The following ERN1 variants were observed in gnomAD, a reference collection of about 807,000 sequenced individuals.
ERN1 encodes serine/threonine-protein kinase/endoribonuclease IRE1.
In ERN1, 39 loss-of-function variants were observed where a neutral mutation model predicts 113.1. The observed-to-expected ratio is 0.34, with a 90% confidence interval of 0.27 to 0.45. The LOEUF (loss-of-function observed/expected upper bound fraction) is 0.45. ERN1 is among the 20% of genes least tolerant of loss of function. The probability of loss-of-function intolerance (pLI) is 1.00; values close to 1 mark genes in which losing one functional copy is unlikely to be tolerated. For synonymous variants in ERN1, 507 were observed against 515.9 expected, an observed-to-expected ratio of 0.98 and a Z score of 0.23; for missense variants, 976 against 1,274.8, an observed-to-expected ratio of 0.77 and a Z score of 3.57.
At chr17:64,102,640 G>A (rs939163662) in intron 1 of ERN1, 6 of 982,602 alleles carry the variant, frequency 6.1e-6, no homozygotes, top group Non-Finnish European at 7.3e-6. Context: ...GATGCCTTGT[G>A]TGATACTGAG....
intron 1 of ERN1, among the ~76,000 whole-genome samples, chr17:64,117,361 T>C (rs1046367500): frequency 2.0e-5 from 3 of 151,410 alleles, no homozygotes; most frequent in African/African-American, 7.3e-5. Flanking sequence ...GAAAATCACT[T>C]GAACCCGGGA....
chr17:64,107,750 A>G (rs1914568822), intron 1 of ERN1, among the ~76,000 whole-genome samples: 1 of 152,208 alleles, frequency 6.6e-6, no homozygotes, highest in African/African-American at 2.4e-5. Context: ...CAAATATTTC[A>G]CTACTTTTAG....
chr17:64,073,298 A>G (rs1263687486), intron 5 of ERN1, among the ~76,000 whole-genome samples: 1 of 147,100 alleles, frequency 6.8e-6, no homozygotes, highest in Admixed American at 6.9e-5. Flanking sequence ...CCTCCTGAGT[A>G]GCTGGGACTA....
chr17:64,064,146 G>A lies in ERN1; in HGVS notation c.927C>T (p.Arg309=), dbSNP rs753180389. Residue 309 remains arginine (R), a synonymous_variant, in exon 10 of 22, where the codon CGC becomes CGT. Coordinates refer to ENST00000433197, the MANE Select transcript of ERN1 (RefSeq NM_001433.5). ...MVHEGVAVVP[R]GSTLPLLEGP... ...CTTCCAGCAAAGGAAGTGTGCTGCC[G>A]CGGGGCTGTGGAGAGGGTGCAGTGA... 3.7e-5 allele frequency: 59 copies of A among 1,594,328 alleles called. No homozygotes were observed. The highest frequency in any genetic ancestry group is 3.1e-4 in the South Asian group (27 of 88,462).
intron 1 of ERN1, among the ~76,000 whole-genome samples, chr17:64,119,024 T>A (rs535276136): frequency 6.6e-6 from 1 of 152,308 alleles, no homozygotes; most frequent in Non-Finnish European, 1.5e-5. Context: ...ATTTTTGTTA[T>A]GGAAGGTTCT....
In ERN1 at chr17:64,121,471, T is replaced by C. The variant is rs189249454; in HGVS notation, c.54+8505A>G. Among the ~76,000 whole-genome samples, 329 of 152,278 alleles carry C rather than the reference T, an allele frequency of 2.2e-3. 4 individuals are homozygous for C. The highest frequency in any genetic ancestry group is 7.6e-3 in the African/African-American group (316 of 41,552). On this transcript the variant is annotated intron_variant, in intron 1 of 21. Coordinates refer to ENST00000433197, the MANE Select transcript of ERN1 (RefSeq NM_001433.5). ...TCCAAGCAAAGAAATTAGCTTAAAC[T>C]GTGAATTAGGCTTAGCAGGCAATTT... is the stretch of plus-strand genomic sequence containing the variant.
intron 1 of ERN1, chr17:64,129,454 C>T: frequency 5.3e-6 from 1 of 189,812 alleles, no homozygotes; most frequent in Non-Finnish European, 1.1e-5. Context: ...GTCCTTACTC[C>T]CTGTTGCATT....
intron 2 of ERN1, among the ~76,000 whole-genome samples, chr17:64,088,343 CTAAGA>C (rs1913992179): frequency 6.6e-6 from 1 of 152,204 alleles, no homozygotes; most frequent in African/African-American, 2.4e-5. Context: ...TTCTGCACAA[CTAAGA>C]TATTACCACA....
intron 1 of ERN1, among the ~76,000 whole-genome samples, chr17:64,126,730 T>C (rs1444809589): frequency 6.6e-6 from 1 of 152,182 alleles, no homozygotes; most frequent in South Asian, 2.1e-4. Context: ...TGATATCGCC[T>C]ATTAGGATAA....
intron 1 of ERN1, among the ~76,000 whole-genome samples, chr17:64,107,331 G>A (rs1208431462): frequency 6.6e-6 from 1 of 152,064 alleles, no homozygotes; most frequent in Non-Finnish European, 1.5e-5. Flanking sequence ...GTTTTGTTTT[G>A]TTTCTTTGAG....
intron 7 of ERN1, among the ~76,000 whole-genome samples, chr17:64,067,667 A>G (rs1913278094): frequency 6.6e-6 from 1 of 152,090 alleles, no homozygotes; most frequent in Admixed American, 6.5e-5. Context: ...ACACTGTCCC[A>G]TCAGATTCAC....
Position 64,052,853 on chromosome 17 carries a change from C to T in ERN1, c.2180G>A (p.Arg727His), listed in dbSNP as rs769854043. ...TTCTGTGCCAGGCACCCCAGATCGG[C>T]GGCTGAAACTGTGTCTGCCCACTGC... ...KLAVGRHSFS[R>H]RSGVPGTEGW... Residue 727 changes from arginine to histidine, a missense_variant, in exon 17 of 22, where the codon CGC becomes CAC. By Grantham distance (29) the Arg-to-His change is conservative. This residue lies in a region of ERN1 where 297 missense variants were observed against 457.8 expected (regional missense o/e 0.65). Coordinates refer to ENST00000433197, the MANE Select transcript of ERN1 (RefSeq NM_001433.5). The T allele has an allele frequency of 2.5e-6, 4 of 1,613,898 alleles. No individual in the cohort carries two copies. Among genetic ancestry groups the T allele is most frequent in the Admixed American group, 3.3e-5 (2 of 60,010 alleles).
intron 1 of ERN1, among the ~76,000 whole-genome samples, chr17:64,127,717 G>A (rs1427495829): frequency 6.7e-6 from 1 of 148,420 alleles, no homozygotes; most frequent in East Asian, 2.0e-4. Flanking sequence ...CCACACCATT[G>A]CACTCCAGCC....
At chr17:64,069,638 T>C (rs945265307) in intron 6 of ERN1, among the ~76,000 whole-genome samples, 5 of 152,198 alleles carry the variant, frequency 3.3e-5, no homozygotes, top group African/African-American at 1.2e-4. Flanking sequence ...ATGTGTGATA[T>C]GTGTCTCTCT....
chr17:64,095,428 C>CA (rs1026055931), intron 2 of ERN1, among the ~76,000 whole-genome samples: 1 of 151,874 alleles, frequency 6.6e-6, no homozygotes, highest in Non-Finnish European at 1.5e-5. Flanking sequence ...AACTCTGTCT[C>CA]AAAAAAAGAA....
intron 2 of ERN1, among the ~76,000 whole-genome samples, chr17:64,083,763 C>T (rs527452447): frequency 1.3e-5 from 2 of 152,100 alleles, no homozygotes; most frequent in Non-Finnish European, 2.9e-5. Context: ...CCAGCTGAGG[C>T]CTGGAATGGC....
At chr17:64,119,385 T>G (rs1353566944) in intron 1 of ERN1, among the ~76,000 whole-genome samples, 22 of 133,382 alleles carry the variant, frequency 1.6e-4, no homozygotes, top group East Asian at 1.4e-3. Context: ...GGTTTTTTTT[T>G]TTTTTTTTTT....
At chr17:64,077,551 T>A (rs1913632100) in intron 4 of ERN1, among the ~76,000 whole-genome samples, 1 of 152,212 alleles carries the variant, frequency 6.6e-6, no homozygotes, top group African/African-American at 2.4e-5. Context: ...GTCTGTCATG[T>A]TTTGCTCAAC....
At position 64,106,715 on chromosome 17, in the gene ERN1, T is replaced by TACACACACACACAC. The variant is rs58544303; in HGVS notation, c.55-8488_55-8475dup. ...AGGACACCAGTCCTACAGGGTTTCT[T>TACACACACACACAC]ACACACACACACACACACACACACA... On this transcript the variant is annotated intron_variant, in intron 1 of 21. Coordinates refer to ENST00000433197, the MANE Select transcript of ERN1 (RefSeq NM_001433.5). Among the ~76,000 whole-genome samples the TACACACACACACAC allele has an allele frequency of 2.9e-3, 305 of 103,424 alleles. 10 individuals are homozygous for TACACACACACACAC. The highest frequency in any genetic ancestry group is 8.0e-3 in the East Asian group (23 of 2,876). The allele number at this position is 103,424 out of a possible 152,430, so 67.9% of individuals were successfully genotyped here. A position where few individuals can be genotyped will look rare whatever the true frequency, so the allele number is the denominator to read the frequency against.
Sources: allele counts gnomAD v4.1 joint callset (sites outside exome capture counted in the v4.1 genomes callset), GRCh38; gene constraint gnomAD v4.1.1; regional missense constraint gnomAD v4.1.1; transcripts MANE v1.5; gene names NCBI Gene and HGNC (gene_info 2026-07-23, HGNC 2026-07-21).